NR2F2: variants seen among roughly 807,000 people sequenced by gnomAD.
The protein encoded by NR2F2 is nuclear receptor subfamily 2 group F member 2.
A neutral mutation model predicts 34.8 loss-of-function variants in NR2F2; 2 were observed. The ratio of observed to expected loss-of-function variants is 0.06; its 90% CI spans 0.02 to 0.18. The LOEUF (loss-of-function observed/expected upper bound fraction) is 0.18, where lower values mean the gene tolerates loss of function less well. Ranked by LOEUF, NR2F2 falls within the 10% of genes least tolerant of loss-of-function variation. The pLI, the probability that NR2F2 is intolerant of heterozygous loss-of-function variation, is 1.00. For missense variants in NR2F2, 300 were observed against 580.1 expected (o/e 0.52, Z 4.96); for synonymous variants, 274 against 251.8 (o/e 1.09, Z -0.84).
Position 96,332,372 on chromosome 15 carries a change from G to A in NR2F2, c.267G>A (p.Lys89=), listed in dbSNP as rs372651988. The change falls in exon 1 of 3, where the codon AAG becomes AAA. Residue 89 remains lysine, a synonymous_variant. Coordinates refer to ENST00000394166, the MANE Select transcript of NR2F2 (RefSeq NM_021005.4). ...TGTGCGGAGACAAGTCGAGCGGCAA[G>A]CACTACGGCCAGTTCACGTGCGAGG... The part of the protein sequence containing the change: ...CVVCGDKSSG[K]HYGQFTCEGC... 7.8e-5 allele frequency: 126 copies of A among 1,612,784 alleles called. No homozygotes were observed. Among genetic ancestry groups the A allele is most frequent in the Non-Finnish European group, 1.0e-4 (122 of 1,179,454 alleles).
Position 96,339,237 on chromosome 15 carries a change from T to G in NR2F2, c.*1615T>G, listed in dbSNP as rs1052823986. On this transcript the variant is annotated 3_prime_UTR_variant, in exon 3 of 3. Transcript: ENST00000394166. ...TCTTTTGTACATTTCTGACAGTTAC[T>G]CAGAAGATCGTTCAAGCAAGCTAAT... 6.6e-6 allele frequency: 1 copy of G among 152,178 alleles called. No individual in the cohort carries two copies. Among genetic ancestry groups the G allele is most frequent in the Non-Finnish European group, 1.5e-5 (1 of 68,026 alleles). 9.4% of individuals were successfully genotyped at this position (152,178 alleles called of 1,614,324 possible).
In NR2F2 at chr15:96,334,092, G is replaced by T; in HGVS notation, c.459G>T (p.Arg153Ser). Reference sequence around the variant, plus strand: ...TCCCCGCAGCGGTGCAGAGGGGCAGGATGCCGCCGACCCAGCCGACCCACG... The same window carrying T: ...TCCCCGCAGCGGTGCAGAGGGGCAGTATGCCGCCGACCCAGCCGACCCACG... ...GMRREAVQRG[R>S]MPPTQPTHGQ... is the part of the protein sequence containing the mutation. The change falls in exon 2 of 3, where the codon AGG (arginine) becomes AGT (serine). Residue 153 changes from arginine (R) to serine (S), a missense_variant. By Grantham distance (110) the Arg-to-Ser change is moderately radical (BLOSUM62 -1). Coordinates refer to ENST00000394166, the MANE Select transcript of NR2F2 (RefSeq NM_021005.4). The T allele has an allele frequency of 6.2e-7, 1 of 1,613,024 alleles. No homozygotes were observed. The highest frequency in any genetic ancestry group is 8.5e-7 in the Non-Finnish European group (1 of 1,179,898).
At position 96,330,974 on chromosome 15, in the gene NR2F2, G is replaced by T; in HGVS notation, c.-1132G>T. On this transcript the variant is annotated 5_prime_UTR_variant, in exon 1 of 3. Coordinates refer to ENST00000394166, the MANE Select transcript of NR2F2 (RefSeq NM_021005.4). ...AGGATGTGCTTCTAGGTGGTGATCTGCCCTCCTCTCTCTCTTTTATCATTT... is the reference window on the plus strand; with the variant it reads ...AGGATGTGCTTCTAGGTGGTGATCTTCCCTCCTCTCTCTCTTTTATCATTT... 1 of 1,194,936 alleles carries T rather than the reference G, an allele frequency of 8.4e-7. No individual in the cohort carries two copies. Among genetic ancestry groups the T allele is most frequent in the Non-Finnish European group, 1.0e-6 (1 of 963,512 alleles). 74.0% of individuals were successfully genotyped at this position (1,194,936 alleles called of 1,614,324 possible).
upstream of NR2F2, among the ~76,000 whole-genome samples, chr15:96,328,524 T>G (rs980170463): frequency 6.6e-6 from 1 of 152,362 alleles, no homozygotes; most frequent in East Asian, 1.9e-4. Context: ...TTGTCCCGAA[T>G]CTGCTGACAT....
chr15:96,337,308 TTTC>T (rs747281366), intron 2 of NR2F2, 37 bp from the exon 3 acceptor site: 213 of 1,463,546 alleles, frequency 1.5e-4, no homozygotes, highest in African/African-American at 3.7e-4. Flanking sequence ...TCTTCTTCTT[TTTC>T]TTCTTCTTCT....
upstream of NR2F2, among the ~76,000 whole-genome samples, chr15:96,326,730 C>G (rs1898999305): frequency 6.6e-6 from 1 of 152,130 alleles, no homozygotes; most frequent in Non-Finnish European, 1.5e-5. The surrounding 1 kb of genome is among the most constrained non-coding windows in gnomAD (Gnocchi z 5.5). Context: ...CGTGGTTTTG[C>G]AAGCAGCAGA....
chr15:96,331,208 C>G lies in NR2F2; in HGVS notation c.-898C>G, dbSNP rs1899129991. 1 of 976,072 alleles carries G rather than the reference C, an allele frequency of 1.0e-6. No homozygotes were observed. The allele number at this position is 976,072 out of a possible 1,614,324, so 60.5% of individuals were successfully genotyped here. ...GGCCCGGGCGGCCCGCAGGGAACGG[C>G]GAGCGGCCTCCACCCAGCGACTGCG... On this transcript the variant is annotated 5_prime_UTR_variant, in exon 1 of 3. Transcript: ENST00000394166.
upstream of NR2F2, among the ~76,000 whole-genome samples, chr15:96,328,703 G>A (rs1039407217): frequency 6.6e-6 from 1 of 151,108 alleles, no homozygotes; most frequent in East Asian, 1.9e-4. Context: ...GCTTCATTCT[G>A]TGGCAATCTT....
Position 96,339,201 on chromosome 15 carries a change from G to GA in NR2F2, c.*1586dup, listed in dbSNP as rs1207305946. On this transcript the variant is annotated 3_prime_UTR_variant, in exon 3 of 3. Transcript: ENST00000394166. ...GAGATCAGTATCTATTTTATGATCA[G>GA]AAAAAAATACTCTTTTGTACATTTC... The GA allele has an allele frequency of 5.3e-5, 8 of 152,000 alleles. No homozygotes were observed. Among genetic ancestry groups the GA allele is most frequent in the Non-Finnish European group, 8.8e-5 (6 of 67,998 alleles). The allele number at this position is 152,000 out of a possible 1,614,324, so 9.4% of individuals were successfully genotyped here. A position where few individuals can be genotyped will look rare whatever the true frequency, so the allele number is the denominator to read the frequency against.
chr15:96,331,918 A>T lies in NR2F2; in HGVS notation c.-188A>T. 13 of 1,207,336 alleles carry T rather than the reference A, an allele frequency of 1.1e-5. No homozygotes were observed. Among genetic ancestry groups the T allele is most frequent in the Non-Finnish European group, 1.3e-5 (13 of 972,902 alleles). The allele number at this position is 1,207,336 out of a possible 1,614,324, so 74.8% of individuals were successfully genotyped here. A position where few individuals can be genotyped will look rare whatever the true frequency, so the allele number is the denominator to read the frequency against. ...GACAAAACTTTGCAAAAGCAAAAAC[A>T]AAAAAGGAAAAACTAACCAACCTCA... On this transcript the variant is annotated 5_prime_UTR_variant, in exon 1 of 3. Transcript: ENST00000394166.
intron 1 of NR2F2, 34 bp from the exon 2 acceptor site, chr15:96,334,042 A>T: frequency 1.3e-6 from 2 of 1,594,152 alleles, no homozygotes; most frequent in Non-Finnish European, 1.7e-6. Flanking sequence ...GAGGCTGGTC[A>T]TTAACTGTGG....
chr15:96,329,989 T>C (rs1030578136), upstream of NR2F2, among the ~76,000 whole-genome samples: 1 of 152,058 alleles, frequency 6.6e-6, no homozygotes. Context: ...ATATGTCATA[T>C]ATATATGTCA....
rs1198330688 is a variant in NR2F2 at position 96,330,713 on chromosome 15, T to C, written c.-1393T>C. The C allele has an allele frequency of 2.8e-5, 8 of 281,092 alleles. No homozygotes were observed. Among genetic ancestry groups the C allele is most frequent in the Non-Finnish European group, 4.5e-5 (8 of 178,774 alleles). The allele number at this position is 281,092 out of a possible 1,614,324, so 17.4% of individuals were successfully genotyped here. On this transcript the variant is annotated 5_prime_UTR_variant, in exon 1 of 3. Coordinates refer to ENST00000394166, the MANE Select transcript of NR2F2 (RefSeq NM_021005.4). The stretch of plus-strand genomic sequence containing the variant: ...GAGCTGATCGCGGAGAAGCCACTTC[T>C]GCCAGCCCCGGCGCCTATAAATCGC...
Position 96,331,582 on chromosome 15 carries a change from C to T in NR2F2, c.-524C>T. 3 of 1,189,136 alleles carry T rather than the reference C, an allele frequency of 2.5e-6. No individual in the cohort carries two copies. Among genetic ancestry groups the T allele is most frequent in the Non-Finnish European group, 3.1e-6 (3 of 975,796 alleles). 73.7% of individuals were successfully genotyped at this position (1,189,136 alleles called of 1,614,324 possible). A position where few individuals can be genotyped will look rare whatever the true frequency, so the allele number is the denominator to read the frequency against. Reference sequence around the variant, plus strand: ...TTCACCACCACCTCCTCTTCCTCCTCCTCCTCCTCCTCCTCCTCCGCCAAC... The same window carrying T: ...TTCACCACCACCTCCTCTTCCTCCTTCTCCTCCTCCTCCTCCTCCGCCAAC... On this transcript the variant is annotated 5_prime_UTR_variant, in exon 1 of 3. Transcript: ENST00000394166.
At position 96,332,215 on chromosome 15, in the gene NR2F2, C is replaced by G. The variant is rs1236680025; in HGVS notation, c.110C>G (p.Pro37Arg). The G allele has an allele frequency of 1.1e-5, 15 of 1,418,720 alleles. No homozygotes were observed. Among genetic ancestry groups the G allele is most frequent in the Admixed American group, 2.7e-5 (1 of 36,502 alleles). The allele number at this position is 1,418,720 out of a possible 1,614,324, so 87.9% of individuals were successfully genotyped here. ...GTGCCCGGCCCGCCGCCCGGCGCCC[C>G]GCACACGCCACAGACGCCCGGCCAA... ...PPVPGPPPGAPHTPQTPGQGG... is the reference protein window; with the variant it reads ...PPVPGPPPGARHTPQTPGQGG... The change falls in exon 1 of 3, where the codon CCG becomes CGG. Residue 37 changes from proline to arginine, a missense_variant. Pro to Arg is a moderately radical substitution (Grantham distance 103, BLOSUM62 -2). Transcript: ENST00000394166.
rs1036503128 is a variant in NR2F2 at position 96,331,862 on chromosome 15, AAAAC to A, written c.-238_-235del. On this transcript the variant is annotated 5_prime_UTR_variant, in exon 1 of 3. Transcript: ENST00000394166. The stretch of plus-strand genomic sequence containing the variant: ...CAAAGCTGAGCCGAGAGAAACAAAC[AAAAC>A]AAACACACCGGGCCAGACAAGCCAT... 4.0e-5 allele frequency: 48 copies of A among 1,203,126 alleles called. No individual in the cohort carries two copies. Among genetic ancestry groups the A allele is most frequent in the Non-Finnish European group, 4.8e-5 (47 of 970,104 alleles). The allele number at this position is 1,203,126 out of a possible 1,614,324, so 74.5% of individuals were successfully genotyped here. A position where few individuals can be genotyped will look rare whatever the true frequency, so the allele number is the denominator to read the frequency against.
In NR2F2 at chr15:96,338,684, T is replaced by C. The variant is rs1899407796; in HGVS notation, c.*1062T>C. 1.3e-5 allele frequency: 2 copies of C among 152,630 alleles called. No individual in the cohort carries two copies. The highest frequency in any genetic ancestry group is 4.1e-4 in the South Asian group (2 of 4,834). 9.5% of individuals were successfully genotyped at this position (152,630 alleles called of 1,614,324 possible). On this transcript the variant is annotated 3_prime_UTR_variant, in exon 3 of 3. Transcript: ENST00000394166. ...TGTGTTTTAAAAAAACTGAAGGTTT[T>C]TTTTTTAAGTGCAACATTTCTGTAT...
rs199765586 is a variant in NR2F2, at chr15:96,332,438, G to A, written c.333G>A (p.Leu111=). 112 of 1,614,222 alleles carry A rather than the reference G, an allele frequency of 6.9e-5. 1 individual carries two copies. The East Asian group carries it at 9.1e-4, about 13-fold the overall frequency. The part of the protein sequence containing the change: ...SFFKRSVRRN[L]SYTCRANRNC... Reference sequence around the variant, plus strand: ...TCAAGCGCAGCGTGCGGAGGAACCTGAGCTACACGTGCCGCGCCAACCGGA... The same window carrying A: ...TCAAGCGCAGCGTGCGGAGGAACCTAAGCTACACGTGCCGCGCCAACCGGA... The change falls in exon 1 of 3, where the codon CTG becomes CTA. Residue 111 remains leucine, a synonymous_variant. Coordinates refer to ENST00000394166, the MANE Select transcript of NR2F2 (RefSeq NM_021005.4).
At chr15:96,334,781 G>A (rs900787232) in intron 2 of NR2F2, among the ~76,000 whole-genome samples, 178 bp downstream of exon 2, 3 of 152,284 alleles carry the variant, frequency 2.0e-5, no homozygotes, top group Non-Finnish European at 4.4e-5. Context: ...GTCCTGGGGA[G>A]AGGAGAGGAA....
Sources: allele counts gnomAD v4.1 joint callset (sites outside exome capture counted in the v4.1 genomes callset), GRCh38; gene constraint gnomAD v4.1.1; non-coding constraint Gnocchi (gnomAD v3.1); transcripts MANE v1.5; gene names NCBI Gene and HGNC (gene_info 2026-07-23, HGNC 2026-07-21).